Variants in DOCK8 observed in about 807,000 individuals in gnomAD.
DOCK8 encodes the protein dedicator of cytokinesis protein 8.
In DOCK8, 141 loss-of-function variants were observed where a neutral mutation model predicts 245.6. The ratio of observed to expected loss-of-function variants is 0.57; its 90% CI spans 0.50 to 0.66. DOCK8 has a LOEUF of 0.66. DOCK8 is among the 30% of genes least tolerant of loss of function. The pLI is 0.00. For synonymous variants in DOCK8, 1,168 were observed against 970.2 expected, an observed-to-expected ratio of 1.20 and a Z score of -3.79; for missense variants, 2,965 against 2,603.4, an observed-to-expected ratio of 1.14 and a Z score of -3.02.
chr9:429,918 C>A, intron 36 of DOCK8, 64 bp downstream of exon 36: 1 of 1,585,138 alleles, frequency 6.3e-7, no homozygotes, highest in African/African-American at 1.3e-5. Context: ...AAAGCATCAG[C>A]TGCGAAAAAA....
chr9:390,876 C>T (rs553638117), intron 24 of DOCK8, among the ~76,000 whole-genome samples: 35 of 152,230 alleles, frequency 2.3e-4, no homozygotes, highest in African/African-American at 7.9e-4. Context: ...TGCTCTTGGC[C>T]CACCCATTCT....
rs79136436 is a variant in DOCK8 at position 354,915 on chromosome 9, C to T, written c.1680-13103C>T. On this transcript the variant is annotated intron_variant, in intron 14 of 47. Transcript: ENST00000432829. ...ACTTTTGTCCTATTTTGACAAACGT[C>T]GTATTGACTTTTGTCACTACATCAG... 5.1e-4 allele frequency among the ~76,000 whole-genome samples: 78 copies of T among 152,272 alleles called. 1 individual carries two copies. The East Asian group carries it at 5.4e-3, about 11-fold the overall frequency.
intron 37 of DOCK8, among the ~76,000 whole-genome samples, chr9:432,857 C>T (rs1231600349): frequency 1.3e-5 from 2 of 152,174 alleles, no homozygotes; most frequent in Admixed American, 1.3e-4. Context: ...AGCTTGTAAA[C>T]AAGGTTGTCC....
Position 282,036 on chromosome 9 carries a change from C to G in DOCK8, c.157-4425C>G, listed in dbSNP as rs552757341. On this transcript the variant is annotated intron_variant, in intron 2 of 47. Transcript: ENST00000432829. ...CGAGAGTTTATGACTTTATCATCAA[C>G]TGGGTGTGTTGCCCTTGGCACATTG... Among the ~76,000 whole-genome samples the G allele has an allele frequency of 1.6e-3, 241 of 152,328 alleles. 2 individuals carry two copies. Among genetic ancestry groups the G allele is most frequent in the African/African-American group, 5.5e-3 (228 of 41,584 alleles).
At chr9:315,318 T>C (rs1260431842) in intron 6 of DOCK8, among the ~76,000 whole-genome samples, 3 of 152,218 alleles carry the variant, frequency 2.0e-5, no homozygotes, top group African/African-American at 7.2e-5. Flanking sequence ...ATTTCCACTT[T>C]CTGTTTGCTT....
intron 1 of DOCK8, among the ~76,000 whole-genome samples, chr9:251,434 A>G (rs1036883220): frequency 6.6e-6 from 1 of 152,224 alleles, no homozygotes; most frequent in Non-Finnish European, 1.5e-5. Flanking sequence ...AGTCTCAGCA[A>G]CAAGCTAAAA....
At chr9:373,131 C>T (rs1276988048) in intron 18 of DOCK8, among the ~76,000 whole-genome samples, 1 of 152,146 alleles carries the variant, frequency 6.6e-6, no homozygotes, top group Non-Finnish European at 1.5e-5. Flanking sequence ...CACACCACTG[C>T]ACTGCAGCCT....
intron 37 of DOCK8, 84 bp from the exon 38 acceptor site, chr9:433,791 C>A: frequency 8.6e-7 from 1 of 1,157,098 alleles, no homozygotes; most frequent in Non-Finnish European, 1.3e-6. Flanking sequence ...CTTCCCATGG[C>A]TTCCCCTTGC....
At position 372,850 on chromosome 9, in the gene DOCK8, C is replaced by T. The variant is rs377382092; in HGVS notation, c.2109+564C>T. Among the ~76,000 whole-genome samples the T allele has an allele frequency of 3.3e-5, 5 of 152,086 alleles. No homozygotes were observed. In the South Asian group the frequency reaches 1.0e-3, roughly 32 times the overall value. ...TTCAAGACCAGCCTGGCCAAGGTGG[C>T]AAAACCCCATCTCTACTAAAAATAC... On this transcript the variant is annotated intron_variant, in intron 18 of 47. Coordinates refer to ENST00000432829, the MANE Select transcript of DOCK8 (RefSeq NM_203447.4).
chr9:243,751 A>G (rs2047434404), intron 1 of DOCK8, among the ~76,000 whole-genome samples: 1 of 151,984 alleles, frequency 6.6e-6, no homozygotes, highest in Admixed American at 6.6e-5. Flanking sequence ...GGACTCTGAT[A>G]CCCAAATGTG....
intron 23 of DOCK8, among the ~76,000 whole-genome samples, chr9:387,011 A>G (rs953537316): frequency 1.3e-5 from 2 of 152,162 alleles, no homozygotes; most frequent in South Asian, 2.1e-4. Flanking sequence ...AAATTCCCCA[A>G]TCATAGTCCC....
At chr9:452,189 C>T in intron 46 of DOCK8, 72 bp downstream of exon 46, 1 of 964,748 alleles carries the variant, frequency 1.0e-6, no homozygotes, top group African/African-American at 1.6e-5. Context: ...CCAGCAGCTT[C>T]AGCATCACCT....
chr9:214,961 G>A lies in DOCK8; in HGVS notation c.-16G>A, dbSNP rs745606746. On this transcript the variant is annotated 5_prime_UTR_variant, in exon 1 of 48. Transcript: ENST00000432829. ...GCACCCCGCGACCCTAGAAGCCACC[G>A]AACCGCCGGCGGGCCATGGCCACTC... 6.2e-7 allele frequency: 1 copy of A among 1,602,190 alleles called. No individual in the cohort carries two copies. Among genetic ancestry groups the A allele is most frequent in the Non-Finnish European group, 8.5e-7 (1 of 1,176,556 alleles).
At chr9:358,722 G>A (rs1254474090) in intron 14 of DOCK8, among the ~76,000 whole-genome samples, 1 of 148,608 alleles carries the variant, frequency 6.7e-6, no homozygotes, top group Non-Finnish European at 1.5e-5. Flanking sequence ...GGTGGCATGT[G>A]CCTGTAGTCC....
intron 19 of DOCK8, 88 bp from the exon 20 acceptor site, chr9:376,889 C>A: frequency 8.5e-7 from 1 of 1,170,910 alleles, no homozygotes; most frequent in South Asian, 1.3e-5. Flanking sequence ...AGGTTCTACC[C>A]ATAAAGAGCT....
At position 439,341 on chromosome 9, in the gene DOCK8, A is replaced by G; in HGVS notation, c.5176A>G (p.Ser1726Gly). 1 of 1,614,016 alleles carries G rather than the reference A, an allele frequency of 6.2e-7. No individual in the cohort carries two copies. Among genetic ancestry groups the G allele is most frequent in the Non-Finnish European group, 8.5e-7 (1 of 1,180,002 alleles). Residue 1726 changes from serine (S) to glycine (G), a missense_variant, in exon 40 of 48, where the codon AGT (serine) becomes GGT (glycine). Physicochemically the swap from Ser to Gly is moderately conservative, Grantham distance 56. Transcript: ENST00000432829. The stretch of plus-strand genomic sequence containing the variant: ...GTGCGCAGGCCAGTACTTCACCGAG[A>G]GTGGCCTGGTAGGCCTCCTGGAGCA... ...GVCAGQYFTE[S>G]GLVGLLEQAA...
intron 18 of DOCK8, among the ~76,000 whole-genome samples, chr9:373,857 T>C (rs1445123090): frequency 6.6e-6 from 1 of 152,210 alleles, no homozygotes; most frequent in Non-Finnish European, 1.5e-5. Flanking sequence ...ATCAACACCT[T>C]TCAGTATCCC....
chr9:237,873 A>T (rs941892835), intron 1 of DOCK8, among the ~76,000 whole-genome samples: 1 of 152,116 alleles, frequency 6.6e-6, no homozygotes, highest in Admixed American at 6.5e-5. Context: ...ATATTTAAAC[A>T]AAGTGATTAA....
rs1053035292 is a variant in DOCK8 at position 436,604 on chromosome 9, C to A, written c.5079+1629C>A. On this transcript the variant is annotated intron_variant, in intron 39 of 47. Transcript: ENST00000432829. ...ATTATTGACTTTTATATTTAGTAAG[C>A]CTTACTGTTCTAATTTTACCTAGAA... Among the ~76,000 whole-genome samples the A allele has an allele frequency of 2.8e-4, 43 of 152,070 alleles. 1 individual carries two copies. Among genetic ancestry groups the A allele is most frequent in the African/African-American group, 1.0e-3 (43 of 41,474 alleles).
Sources: allele counts gnomAD v4.1 joint callset (sites outside exome capture counted in the v4.1 genomes callset), GRCh38; gene constraint gnomAD v4.1.1; transcripts MANE v1.5; gene names NCBI Gene and HGNC (gene_info 2026-07-23, HGNC 2026-07-21).